Variants in GABBR2 observed in about 807,000 individuals in gnomAD.
GABBR2 encodes gamma-aminobutyric acid type B receptor subunit 2.
Under a neutral mutation model 105.6 loss-of-function variants are expected in GABBR2, and 23 were observed. The observed-to-expected ratio is 0.22, with a 90% CI of 0.16 to 0.31. The LOEUF (loss-of-function observed/expected upper bound fraction) is 0.31. GABBR2 is among the 10% of genes least tolerant of loss of function. The probability of loss-of-function intolerance (pLI) is 1.00; values close to 1 mark genes in which losing one functional copy is unlikely to be tolerated. For missense variants in GABBR2, 734 were observed against 1,245.5 expected (o/e 0.59, Z 6.18); for synonymous variants, 478 against 499.7 (o/e 0.96, Z 0.58).
chr9:98,431,718 T>G (rs1564066319), intron 7 of GABBR2, among the ~76,000 whole-genome samples: 1 of 151,868 alleles, frequency 6.6e-6, no homozygotes, highest in African/African-American at 2.4e-5. Flanking sequence ...GTTTTTTTGA[T>G]AGAGTCTCAC....
At chr9:98,299,090 G>A in intron 17 of GABBR2, 134 bp downstream of exon 17, 2 of 770,162 alleles carry the variant, frequency 2.6e-6, no homozygotes, top group Non-Finnish European at 4.4e-6. Flanking sequence ...AGATGCTCCA[G>A]CTCTGTGTGT....
At chr9:98,326,995 G>C (rs934165694) in intron 13 of GABBR2, among the ~76,000 whole-genome samples, 1 of 152,200 alleles carries the variant, frequency 6.6e-6, no homozygotes, top group Admixed American at 6.5e-5. Context: ...GGAAGGCCTC[G>C]ATGAACTCTG....
At chr9:98,666,146 G>A (rs1348366617) in intron 1 of GABBR2, among the ~76,000 whole-genome samples, 1 of 152,236 alleles carries the variant, frequency 6.6e-6, no homozygotes. Flanking sequence ...GCCTGATGGA[G>A]CAATGGAATG....
rs1213246937 is a variant in GABBR2, at chr9:98,318,912, TGTTGG to T, written c.1894-7712_1894-7708del. ...GAGTTTGTGTGTGTGTGTGTGTGTG[TGTTGG>T]GGGTGTGTGTGTGTGTGTGGTGTGT... On this transcript the variant is annotated intron_variant, in intron 13 of 18. Coordinates refer to ENST00000259455, the MANE Select transcript of GABBR2 (RefSeq NM_005458.8). Among the ~76,000 whole-genome samples the T allele has an allele frequency of 6.8e-3, 916 of 134,360 alleles. 3 individuals carry two copies. The highest frequency in any genetic ancestry group is 0.017 in the South Asian group (67 of 3,964). The allele number at this position is 134,360 out of a possible 152,430, so 88.1% of individuals were successfully genotyped here. A position where few individuals can be genotyped will look rare whatever the true frequency, so the allele number is the denominator to read the frequency against.
chr9:98,624,838 T>C (rs1445208339), intron 1 of GABBR2, among the ~76,000 whole-genome samples: 1 of 152,142 alleles, frequency 6.6e-6, no homozygotes, highest in Non-Finnish European at 1.5e-5. Flanking sequence ...GGAGGCAGCT[T>C]GCATCAATTT....
At chr9:98,459,245 C>T (rs891382158) in intron 6 of GABBR2, among the ~76,000 whole-genome samples, 1 of 152,144 alleles carries the variant, frequency 6.6e-6, no homozygotes, top group Admixed American at 6.5e-5. Flanking sequence ...ACCAAAGCTC[C>T]CATCAAGAAC....
At position 98,459,285 on chromosome 9, in the gene GABBR2, T is replaced by C. The variant is rs185109353; in HGVS notation, c.1000-5068A>G. 8.1e-4 allele frequency among the ~76,000 whole-genome samples: 124 copies of C among 152,214 alleles called. 1 individual carries two copies. The highest frequency in any genetic ancestry group is 8.0e-3 in the Admixed American group (123 of 15,290). On this transcript the variant is annotated intron_variant, in intron 6 of 18. Coordinates refer to ENST00000259455, the MANE Select transcript of GABBR2 (RefSeq NM_005458.8). The stretch of plus-strand genomic sequence containing the variant: ...AGAAAAGCAGAATAAAATATTAAAA[T>C]AGCTATTCAAAGACATCAGAAAACA...
At chr9:98,296,121 G>A (rs1458448328) in intron 17 of GABBR2, among the ~76,000 whole-genome samples, 3 of 152,244 alleles carry the variant, frequency 2.0e-5, no homozygotes, top group Non-Finnish European at 4.4e-5. Context: ...AAGAGGTGGG[G>A]CCTTTAGGAG....
chr9:98,598,323 T>C (rs374862694), intron 1 of GABBR2, among the ~76,000 whole-genome samples: 2 of 152,174 alleles, frequency 1.3e-5, no homozygotes, highest in Non-Finnish European at 2.9e-5. Flanking sequence ...TCACCTACTC[T>C]ACAGGTAGAA....
intron 7 of GABBR2, among the ~76,000 whole-genome samples, chr9:98,414,831 T>TC (rs1832658759): frequency 6.6e-6 from 1 of 151,868 alleles, no homozygotes; most frequent in Admixed American, 6.6e-5. Flanking sequence ...TTCCCCGTTT[T>TC]CCCCCCTGTC....
intron 7 of GABBR2, among the ~76,000 whole-genome samples, chr9:98,419,452 C>T (rs181116670): frequency 2.4e-4 from 37 of 152,272 alleles, no homozygotes; most frequent in Non-Finnish European, 2.6e-4. Context: ...AGACCATGGC[C>T]GTCGGGGGCG....
intron 1 of GABBR2, among the ~76,000 whole-genome samples, chr9:98,686,379 G>A (rs1441936510): frequency 1.9e-5 from 2 of 104,992 alleles, no homozygotes; most frequent in Non-Finnish European, 3.9e-5. Flanking sequence ...AATAGTCCCC[G>A]AATAAAATCT....
intron 13 of GABBR2, among the ~76,000 whole-genome samples, chr9:98,353,753 C>T (rs999377438): frequency 1.3e-5 from 2 of 152,098 alleles, no homozygotes; most frequent in Admixed American, 6.5e-5. Context: ...ATGGTAATCC[C>T]GATAATCCCC....
chr9:98,467,181 G>A lies in GABBR2; in HGVS notation c.999+5965C>T, dbSNP rs915170264. Among the ~76,000 whole-genome samples the A allele has an allele frequency of 3.8e-4, 58 of 152,140 alleles. 2 individuals are homozygous for A. Among genetic ancestry groups the A allele is most frequent in the Admixed American group, 3.7e-3 (57 of 15,282 alleles). On this transcript the variant is annotated intron_variant, in intron 6 of 18. Transcript: ENST00000259455. Reference sequence around the variant, plus strand: ...TTTCCAGTGAGGTGGCAACATACCCGGTTAAAAACCAGAGTTGCGTTATGA... The same window carrying A: ...TTTCCAGTGAGGTGGCAACATACCCAGTTAAAAACCAGAGTTGCGTTATGA...
intron 17 of GABBR2, 31 bp from the exon 18 acceptor site, chr9:98,293,933 T>G (rs1187960027): frequency 2.4e-6 from 3 of 1,254,366 alleles, no homozygotes. Context: ...CCACAACATG[T>G]TCGGTTAACT....
intron 8 of GABBR2, among the ~76,000 whole-genome samples, chr9:98,400,063 T>C (rs1192542767): frequency 6.8e-6 from 1 of 146,952 alleles, no homozygotes; most frequent in African/African-American, 2.5e-5. Context: ...TGCACGCCTG[T>C]AGTTCAGCTA....
At chr9:98,625,240 C>A (rs1829720109) in intron 1 of GABBR2, among the ~76,000 whole-genome samples, 2 of 152,240 alleles carry the variant, frequency 1.3e-5, no homozygotes, top group Admixed American at 6.5e-5. Context: ...TGCTCCACCC[C>A]TGCCCTACTC....
intron 7 of GABBR2, among the ~76,000 whole-genome samples, chr9:98,444,405 G>C (rs1826084617): frequency 6.6e-6 from 1 of 152,164 alleles, no homozygotes; most frequent in Non-Finnish European, 1.5e-5. Context: ...GAGCAAGCCA[G>C]ATGCAGCTCA....
At chr9:98,685,148 C>G (rs1830604508) in intron 1 of GABBR2, among the ~76,000 whole-genome samples, 1 of 152,226 alleles carries the variant, frequency 6.6e-6, no homozygotes, top group Non-Finnish European at 1.5e-5. Flanking sequence ...ACTAGACTGG[C>G]TGAGTCTTCT....
Sources: allele counts gnomAD v4.1 joint callset (sites outside exome capture counted in the v4.1 genomes callset), GRCh38; gene constraint gnomAD v4.1.1; transcripts MANE v1.5; gene names NCBI Gene and HGNC (gene_info 2026-07-23, HGNC 2026-07-21).